Variants in ZNF576 observed in about 807,000 individuals in gnomAD.
ZNF576 encodes zinc finger protein 576.
ZNF576 carries 9 observed loss-of-function variants against 10.8 expected under a neutral mutation model. That is an observed-to-expected ratio of 0.84 (90% confidence interval 0.50 to 1.46). The LOEUF is 1.46. Among genes scored for constraint, ZNF576 ranks in the 40% most tolerant of loss-of-function variants. The pLI, the probability that ZNF576 is intolerant of heterozygous loss-of-function variation, is 0.00. For synonymous variants in ZNF576, 88 were observed against 89.6 expected (o/e 0.98, Z 0.10); for missense variants, 191 against 233.7 (o/e 0.82, Z 1.19).
intron 1 of ZNF576, 127 bp downstream of exon 1, chr19:43,596,870 G>T: frequency 8.8e-6 from 4 of 456,594 alleles, no homozygotes; most frequent in Non-Finnish European, 1.6e-5. Flanking sequence ...CCAGTGAGAA[G>T]ACTCTAGGGG....
In ZNF576 at chr19:43,600,115, G is replaced by C. The variant is rs990888252; in HGVS notation, c.*857G>C. The C allele has an allele frequency of 7.9e-5, 12 of 152,346 alleles. No homozygotes were observed. Among genetic ancestry groups the C allele is most frequent in the African/African-American group, 2.9e-4 (12 of 41,576 alleles). The allele number at this position is 152,346 out of a possible 1,614,324, so 9.4% of individuals were successfully genotyped here. A position where few individuals can be genotyped will look rare whatever the true frequency, so the allele number is the denominator to read the frequency against. Reference sequence around the variant, plus strand: ...GGGGAAACTGGTTTGGAATCAAACAGAGATACCTTCTGTTTCGGGTTTTAT... The same window carrying C: ...GGGGAAACTGGTTTGGAATCAAACACAGATACCTTCTGTTTCGGGTTTTAT... On this transcript the variant is annotated 3_prime_UTR_variant, in exon 3 of 3. Coordinates refer to ENST00000336564, the MANE Select transcript of ZNF576 (RefSeq NM_001145347.2).
intron 1 of ZNF576, 55 bp from the exon 2 acceptor site, chr19:43,597,039 C>G (rs1316347438): frequency 1.2e-5 from 19 of 1,545,598 alleles, no homozygotes; most frequent in Non-Finnish European, 1.7e-5. Flanking sequence ...AGGGTGCCCT[C>G]TAAGACTGGT....
chr19:43,598,176 GC>G (rs1973170431), intron 2 of ZNF576, among the ~76,000 whole-genome samples: 1 of 152,160 alleles, frequency 6.6e-6, no homozygotes, highest in Non-Finnish European at 1.5e-5. Flanking sequence ...TCATTTTTCT[GC>G]TTGGACAGTA....
At chr19:43,597,053 A>G (rs1973153182) in intron 1 of ZNF576, 41 bp from the exon 2 acceptor site, 2 of 1,583,348 alleles carry the variant, frequency 1.3e-6, no homozygotes, top group African/African-American at 1.3e-5. Flanking sequence ...GACTGGTAAC[A>G]GATGAACAGC....
rs1973181268 is a variant in ZNF576 at position 43,599,059 on chromosome 19, C to A, written c.314C>A (p.Thr105Asn). 1.2e-6 allele frequency: 2 copies of A among 1,614,140 alleles called. No individual in the cohort carries two copies. Residue 105 changes from threonine to asparagine, a missense_variant, in exon 3 of 3, where the codon ACC (threonine) becomes AAC (asparagine). By Grantham distance (65) the Thr-to-Asn change is moderately conservative. Coordinates refer to ENST00000336564, the MANE Select transcript of ZNF576 (RefSeq NM_001145347.2). ...PAAKPTLPVA[T>N]TTAQPTFPCP... ...GCCAAGCCCACCCTGCCGGTTGCAA[C>A]CACTACTGCCCAGCCCACCTTCCCT...
Position 43,599,450 on chromosome 19 carries a change from C to A in ZNF576, c.*192C>A. ...CAGTCTTTGGAGCACACAGGGCCTT[C>A]GTGAGACAGTGAAATCAGATAATAA... On this transcript the variant is annotated 3_prime_UTR_variant, in exon 3 of 3. Transcript: ENST00000336564. 1 of 556,024 alleles carries A rather than the reference C, an allele frequency of 1.8e-6. No individual in the cohort carries two copies. Among genetic ancestry groups the A allele is most frequent in the Non-Finnish European group, 3.1e-6 (1 of 321,226 alleles). 34.4% of individuals were successfully genotyped at this position (556,024 alleles called of 1,614,324 possible).
Position 43,599,089 on chromosome 19 carries a change from C to T in ZNF576, c.344C>T (p.Pro115Leu). Residue 115 changes from proline to leucine, a missense_variant, in exon 3 of 3, where the codon CCT (proline) becomes CTT (leucine). Pro to Leu is a moderately conservative substitution (Grantham distance 98). Transcript: ENST00000336564. ...ACTGCCCAGCCCACCTTCCCTTGTC[C>T]TGACTGTGGCAAGACCTTTGGGCAG... ...TTTAQPTFPCPDCGKTFGQAV... is the reference protein window; with the variant it reads ...TTTAQPTFPCLDCGKTFGQAV... 1 of 1,614,216 alleles carries T rather than the reference C, an allele frequency of 6.2e-7. No individual in the cohort carries two copies.
At position 43,596,644 on chromosome 19, in the gene ZNF576, G is replaced by C. The variant is rs1568529934; in HGVS notation, c.-115G>C. On this transcript the variant is annotated 5_prime_UTR_variant, in exon 1 of 3. Transcript: ENST00000336564. Reference sequence around the variant, plus strand: ...CCTGTAGGCAGCGCTTGAGGGTAGCGGGATAGCAGCTGCAAGCGCGCGTGG... The same window carrying C: ...CCTGTAGGCAGCGCTTGAGGGTAGCCGGATAGCAGCTGCAAGCGCGCGTGG... 1.9e-5 allele frequency: 3 copies of C among 160,838 alleles called. No individual in the cohort carries two copies. The highest frequency in any genetic ancestry group is 4.8e-5 in the African/African-American group (2 of 41,540). 10.0% of individuals were successfully genotyped at this position (160,838 alleles called of 1,614,324 possible). A position where few individuals can be genotyped will look rare whatever the true frequency, so the allele number is the denominator to read the frequency against.
chr19:43,598,881 T>C lies in ZNF576; in HGVS notation c.136T>C (p.Ser46Pro). Reference sequence around the variant, plus strand: ...CCGCTGCCTCATCACCTTCGCAGATTCCAAGTTCCAGGAGCGTCACATGAA... The same window carrying C: ...CCGCTGCCTCATCACCTTCGCAGATCCCAAGTTCCAGGAGCGTCACATGAA... ...CTRCLITFADSKFQERHMKRE... is the reference protein window; with the variant it reads ...CTRCLITFADPKFQERHMKRE... Residue 46 changes from serine to proline, a missense_variant, in exon 3 of 3, where the codon TCC (serine) becomes CCC (proline). By Grantham distance (74) the Ser-to-Pro change is moderately conservative. Transcript: ENST00000336564. The C allele has an allele frequency of 1.9e-6, 3 of 1,598,152 alleles. No individual in the cohort carries two copies. Among genetic ancestry groups the C allele is most frequent in the Non-Finnish European group, 2.6e-6 (3 of 1,169,080 alleles).
Position 43,599,943 on chromosome 19 carries a change from T to C in ZNF576, c.*685T>C, listed in dbSNP as rs997356225. The C allele has an allele frequency of 9.2e-5, 14 of 152,360 alleles. No individual in the cohort carries two copies. The highest frequency in any genetic ancestry group is 7.8e-4 in the Admixed American group (12 of 15,300). 9.4% of individuals were successfully genotyped at this position (152,360 alleles called of 1,614,324 possible). On this transcript the variant is annotated 3_prime_UTR_variant, in exon 3 of 3. Coordinates refer to ENST00000336564, the MANE Select transcript of ZNF576 (RefSeq NM_001145347.2). ...ATATGTGTAGGTGAAATGGTATGAA[T>C]AAGCTAACAGGAATAGTATCTAAAA...
At chr19:43,597,258 T>C in intron 2 of ZNF576, 65 bp downstream of exon 2, 1 of 1,474,578 alleles carries the variant, frequency 6.8e-7, no homozygotes, top group Non-Finnish European at 9.5e-7. Flanking sequence ...AAGATCTCTG[T>C]GGCACTTCGG....
intron 2 of ZNF576, 191 bp downstream of exon 2, chr19:43,597,384 C>T (rs1973158999): frequency 1.8e-6 from 1 of 567,128 alleles, no homozygotes; most frequent in East Asian, 3.0e-5. Context: ...TACTCACCCT[C>T]CTCTGGCCAC....
chr19:43,598,935 C>T lies in ZNF576; in HGVS notation c.190C>T (p.Gln64Ter), dbSNP rs1417830904. ...KREHPADFVA[Q>*]KLQGVLFICF... ...GGAGCACCCAGCGGACTTCGTGGCCCAGAAGCTGCAGGGGGTCCTCTTCAT... is the reference window on the plus strand; with the variant it reads ...GGAGCACCCAGCGGACTTCGTGGCCTAGAAGCTGCAGGGGGTCCTCTTCAT... The change falls in exon 3 of 3, where the codon CAG becomes TAG. Residue 64 changes from glutamine (Q) to a stop codon, truncating the protein, a stop_gained. Coordinates refer to ENST00000336564, the MANE Select transcript of ZNF576 (RefSeq NM_001145347.2). LOFTEE classifies it high-confidence loss of function. 2 of 1,613,806 alleles carry T rather than the reference C, an allele frequency of 1.2e-6. No homozygotes were observed. The highest frequency in any genetic ancestry group is 2.7e-5 in the African/African-American group (2 of 74,922).
chr19:43,597,356 C>G (rs1050815662), intron 2 of ZNF576, 163 bp downstream of exon 2: 1 of 626,652 alleles, frequency 1.6e-6, no homozygotes, highest in Non-Finnish European at 2.9e-6. Flanking sequence ...CTCCTCACAC[C>G]AGCTTATGTG....
intron 2 of ZNF576, among the ~76,000 whole-genome samples, chr19:43,598,151 T>C (rs975546092): frequency 1.3e-5 from 2 of 152,182 alleles, no homozygotes; most frequent in Non-Finnish European, 2.9e-5. Flanking sequence ...TTAGCCAGGA[T>C]AGGAGGATGT....
At position 43,597,196 on chromosome 19, in the gene ZNF576, G is replaced by A. The variant is rs1279172594; in HGVS notation, c.85+3G>A. 1.2e-6 allele frequency: 2 copies of A among 1,613,636 alleles called. No individual in the cohort carries two copies. Among genetic ancestry groups the A allele is most frequent in the Non-Finnish European group, 1.7e-6 (2 of 1,179,684 alleles). ...CCAGAGCCCAGGAGGCAACATCTGT[G>A]AGTACACATGGCTGGCGGGCTAGAG... On this transcript the variant is annotated splice_donor_region_variant and intron_variant, in intron 2 of 2. Coordinates refer to ENST00000336564, the MANE Select transcript of ZNF576 (RefSeq NM_001145347.2).
In ZNF576 at chr19:43,597,322, G is replaced by A. The variant is rs544084636; in HGVS notation, c.85+129G>A. ...TTGAGAAGGGGCTGTAATGGTCCCT[G>A]AGCTGCTCTAGCAGGAAGTGCATCT... On this transcript the variant is annotated intron_variant, in intron 2 of 2. Transcript: ENST00000336564. 3.9e-6 allele frequency: 3 copies of A among 768,304 alleles called. No individual in the cohort carries two copies. In the Admixed American group the frequency reaches 6.6e-5, roughly 17 times the overall value. 47.6% of individuals were successfully genotyped at this position (768,304 alleles called of 1,614,324 possible). A position where few individuals can be genotyped will look rare whatever the true frequency, so the allele number is the denominator to read the frequency against.
intron 2 of ZNF576, 105 bp from the exon 3 acceptor site, chr19:43,598,726 G>C (rs1973175721): frequency 4.2e-6 from 4 of 947,444 alleles, no homozygotes; most frequent in Non-Finnish European, 4.8e-6. Context: ...ATAGAACCTA[G>C]CACATAACAC....
chr19:43,598,800 C>T (rs1328957805), intron 2 of ZNF576, 31 bp from the exon 3 acceptor site: 1 of 1,513,150 alleles, frequency 6.6e-7, no homozygotes, highest in South Asian at 1.3e-5. Context: ...CTCCTGCTGG[C>T]CTCCCCTGAC....
Sources: allele counts gnomAD v4.1 joint callset (sites outside exome capture counted in the v4.1 genomes callset), GRCh38; gene constraint gnomAD v4.1.1; transcripts MANE v1.5; gene names NCBI Gene and HGNC (gene_info 2026-07-23, HGNC 2026-07-21).